The following TMEM245 variants were observed in gnomAD, a reference collection of about 807,000 sequenced individuals.
TMEM245 encodes protein CG-2.
In TMEM245, 69 loss-of-function variants were observed where a neutral mutation model predicts 101.2. That is an observed-to-expected ratio of 0.68 (90% confidence interval 0.56 to 0.83). TMEM245 has a LOEUF of 0.83. TMEM245 is among the 40% of genes least tolerant of loss of function. The pLI is 0.00. For missense variants in TMEM245, 1,075 were observed against 1,092.8 expected, an observed-to-expected ratio of 0.98 and a Z score of 0.23; for synonymous variants, 537 against 449.8, an observed-to-expected ratio of 1.19 and a Z score of -2.45.
At chr9:109,117,244 G>T (rs1830747730) in intron 1 of TMEM245, among the ~76,000 whole-genome samples, 1 of 151,392 alleles carries the variant, frequency 6.6e-6, no homozygotes, top group Admixed American at 6.6e-5. Context: ...CAAATAGTTG[G>T]GATTACAGGT....
chr9:109,085,894 A>G, intron 7 of TMEM245, 103 bp downstream of exon 7: 1 of 1,317,486 alleles, frequency 7.6e-7, no homozygotes, highest in Non-Finnish European at 1.1e-6. Flanking sequence ...CTTTGAAAAC[A>G]AAAACTTAGT....
At chr9:109,042,676 A>G (rs1452418126) in intron 14 of TMEM245, among the ~76,000 whole-genome samples, 3 of 152,050 alleles carry the variant, frequency 2.0e-5, no homozygotes, top group Non-Finnish European at 2.9e-5. Flanking sequence ...TGAAGCTCAT[A>G]TAACATAAAT....
intron 7 of TMEM245, among the ~76,000 whole-genome samples, chr9:109,082,649 T>A (rs1484951464): frequency 3.7e-5 from 4 of 107,894 alleles, no homozygotes; most frequent in East Asian, 2.7e-4. Context: ...GTAGAGCCTC[T>A]ATTTTTTTTT....
chr9:109,069,018 T>A (rs1441711035), intron 9 of TMEM245, among the ~76,000 whole-genome samples: 1 of 152,192 alleles, frequency 6.6e-6, no homozygotes, highest in Non-Finnish European at 1.5e-5. Flanking sequence ...AATGCCAATT[T>A]CCTGGTTTTA....
intron 9 of TMEM245, among the ~76,000 whole-genome samples, chr9:109,068,164 G>A (rs958935480): frequency 5.9e-5 from 9 of 151,938 alleles, no homozygotes; most frequent in African/African-American, 1.9e-4. Flanking sequence ...TCAGGAGATC[G>A]AGACCATCCT....
chr9:109,048,107 G>A (rs905361277), intron 14 of TMEM245, among the ~76,000 whole-genome samples: 4 of 152,150 alleles, frequency 2.6e-5, no homozygotes, highest in Admixed American at 2.0e-4. Flanking sequence ...CTGTTACACT[G>A]GATAATATAC....
chr9:109,086,106 G>C lies in TMEM245; in HGVS notation c.1321-86C>G, dbSNP rs1002494743. On this transcript the variant is annotated intron_variant, in intron 6 of 17. Coordinates refer to ENST00000374586, the MANE Select transcript of TMEM245 (RefSeq NM_032012.4). ...ATGCAACCATAGTATGAAAAGAAAA[G>C]GAAAGCATGAGAAGGAAACCATCCC... The C allele has an allele frequency of 2.1e-6, 3 of 1,442,346 alleles. No homozygotes were observed. The African/African-American group carries it at 4.3e-5, about 21-fold the overall frequency. The allele number at this position is 1,442,346 out of a possible 1,614,324, so 89.3% of individuals were successfully genotyped here. A position where few individuals can be genotyped will look rare whatever the true frequency, so the allele number is the denominator to read the frequency against.
chr9:109,108,415 A>G lies in TMEM245; in HGVS notation c.697+38T>C, dbSNP rs995602648. ...AGTCAGCCTCTGCTGACCTTAGGCT[A>G]GACTTAAAAAAAAAAAAAAAAAAAA... On this transcript the variant is annotated intron_variant, in intron 2 of 17. Transcript: ENST00000374586. The G allele has an allele frequency of 2.5e-6, 3 of 1,193,590 alleles. No homozygotes were observed. In the African/African-American group the frequency reaches 4.9e-5, roughly 20 times the overall value. 73.9% of individuals were successfully genotyped at this position (1,193,590 alleles called of 1,614,324 possible). A position where few individuals can be genotyped will look rare whatever the true frequency, so the allele number is the denominator to read the frequency against.
chr9:109,078,613 A>T (rs1419336389), intron 8 of TMEM245, among the ~76,000 whole-genome samples: 1 of 152,186 alleles, frequency 6.6e-6, no homozygotes, highest in Non-Finnish European at 1.5e-5. Context: ...TAAGTCACTA[A>T]CTGTATTGTT....
intron 7 of TMEM245, among the ~76,000 whole-genome samples, 173 bp downstream of exon 7, chr9:109,085,824 T>C (rs1829816389): frequency 1.3e-5 from 2 of 152,246 alleles, no homozygotes; most frequent in African/African-American, 2.4e-5. Context: ...GCTGAGTTTT[T>C]ACCAAATTAT....
intron 14 of TMEM245, among the ~76,000 whole-genome samples, chr9:109,043,338 C>T (rs928867993): frequency 6.6e-6 from 1 of 152,172 alleles, no homozygotes; most frequent in African/African-American, 2.4e-5. Context: ...CTGTGTGATC[C>T]ATGGTGCCAA....
chr9:109,091,773 T>C (rs957234143), intron 4 of TMEM245, among the ~76,000 whole-genome samples: 1 of 152,202 alleles, frequency 6.6e-6, no homozygotes, highest in Non-Finnish European at 1.5e-5. Context: ...GCAACCACCA[T>C]GTTACATTTT....
At chr9:109,036,628 A>T (rs995283907) in intron 15 of TMEM245, among the ~76,000 whole-genome samples, 1 of 152,212 alleles carries the variant, frequency 6.6e-6, no homozygotes. Flanking sequence ...TCTCTTCTTA[A>T]GCAATAAAAT....
At chr9:109,103,050 C>T (rs1025574453) in intron 3 of TMEM245, among the ~76,000 whole-genome samples, 1 of 152,152 alleles carries the variant, frequency 6.6e-6, no homozygotes, top group Non-Finnish European at 1.5e-5. Context: ...GCCAGGGTAC[C>T]TCAAAATAAT....
At chr9:109,048,627 T>C (rs1425280008) in intron 14 of TMEM245, among the ~76,000 whole-genome samples, 4 of 152,048 alleles carry the variant, frequency 2.6e-5, no homozygotes, top group African/African-American at 9.7e-5. Context: ...TCATAAGAAG[T>C]AAAAATGTAG....
At chr9:109,092,003 C>T (rs1346827046) in intron 4 of TMEM245, among the ~76,000 whole-genome samples, 1 of 151,998 alleles carries the variant, frequency 6.6e-6, no homozygotes, top group Admixed American at 6.6e-5. Flanking sequence ...AAGTATCATA[C>T]GTCAGAAAAA....
At chr9:109,110,282 T>C (rs528393376) in intron 1 of TMEM245, among the ~76,000 whole-genome samples, 5 of 152,196 alleles carry the variant, frequency 3.3e-5, no homozygotes, top group Non-Finnish European at 4.4e-5. Flanking sequence ...TAATGCTTTA[T>C]GTATACTAAC....
At chr9:109,041,453 ATTT>A (rs1193341550) in intron 14 of TMEM245, among the ~76,000 whole-genome samples, 1,424 of 83,148 alleles carry the variant, frequency 0.017, 20 homozygotes, top group African/African-American at 0.069. Context: ...CATCCTACAA[ATTT>A]TTTTTTTTTT....
At chr9:109,046,833 T>C (rs1276060678) in intron 14 of TMEM245, among the ~76,000 whole-genome samples, 1 of 152,186 alleles carries the variant, frequency 6.6e-6, no homozygotes, top group Non-Finnish European at 1.5e-5. Context: ...AAGAAACATA[T>C]TGCCTCTTCA....
Sources: gnomAD v4.1 joint callset for allele counts (sites outside exome capture counted in the v4.1 genomes callset) on GRCh38, gnomAD v4.1.1 for gene constraint, MANE v1.5 for transcripts, NCBI Gene and HGNC (gene_info 2026-07-23, HGNC 2026-07-21) for gene names.